Variants in DAPL1 observed in about 807,000 individuals in gnomAD.
The protein encoded by DAPL1 is death-associated protein-like 1.
DAPL1 carries 17 observed loss-of-function variants against 12.9 expected under a neutral mutation model. The observed-to-expected ratio is 1.32, with a 90% CI of 0.90 to 1.98. The LOEUF (loss-of-function observed/expected upper bound fraction) is 1.98. Ranked by LOEUF, DAPL1 falls within the 30% of genes most tolerant of loss-of-function variation. The pLI is 0.00. For missense variants in DAPL1, 157 were observed against 125.7 expected (o/e 1.25, Z -1.19); for synonymous variants, 51 against 42.0 (o/e 1.21, Z -0.82).
chr2:158,809,770 G>C lies in DAPL1; in HGVS notation c.207+2655G>C, dbSNP rs2059221115. On this transcript the variant is annotated intron_variant, in intron 3 of 3. Coordinates refer to ENST00000309950, the MANE Select transcript of DAPL1 (RefSeq NM_001017920.3). Reference sequence around the variant, plus strand: ...ATCCCAGGTAAAGCGTAAGGCACCAGCAACAAAAATAAGCTCCAAGATTAC... The same window carrying C: ...ATCCCAGGTAAAGCGTAAGGCACCACCAACAAAAATAAGCTCCAAGATTAC... Among the ~76,000 whole-genome samples the C allele has an allele frequency of 2.0e-5, 3 of 152,304 alleles. No homozygotes were observed. The South Asian group carries it at 6.2e-4, about 32-fold the overall frequency.
In DAPL1 at chr2:158,805,679, A is replaced by G. The variant is rs767255653; in HGVS notation, c.146+1310A>G. Among the ~76,000 whole-genome samples the G allele has an allele frequency of 1.8e-4, 27 of 148,500 alleles. 5 individuals are homozygous for G. The highest frequency in any genetic ancestry group is 2.9e-4 in the Non-Finnish European group (19 of 66,374). Reference sequence around the variant, plus strand: ...GGTCATTCATTTCTCTGCATCTCAGAAAAATGGGACTTACTATTAATTCTA... The same window carrying G: ...GGTCATTCATTTCTCTGCATCTCAGGAAAATGGGACTTACTATTAATTCTA... On this transcript the variant is annotated intron_variant, in intron 2 of 3. Transcript: ENST00000309950.
At position 158,804,350 on chromosome 2, in the gene DAPL1, A is replaced by C; in HGVS notation, c.127A>C (p.Thr43Pro). 1.9e-6 allele frequency: 3 copies of C among 1,610,842 alleles called. No individual in the cohort carries two copies. Among genetic ancestry groups the C allele is most frequent in the Non-Finnish European group, 2.5e-6 (3 of 1,178,250 alleles). ...CACCTTGGAAAGACATACCAAAAAA[A>C]CAGGATTCGAGAAAACAAGGTAGGG... ...IGTLERHTKK[T>P]GFEKTSAIAN... The change falls in exon 2 of 4, where the codon ACA (threonine) becomes CCA (proline). Residue 43 changes from threonine to proline, a missense_variant. Transcript: ENST00000309950.
rs75675037 is a variant in DAPL1, at chr2:158,810,743, G to A, written c.207+3628G>A. Among the ~76,000 whole-genome samples the A allele has an allele frequency of 3.9e-4, 60 of 152,084 alleles. No homozygotes were observed. In the East Asian group the frequency reaches 0.01, roughly 26 times the overall value. ...CAGCCAGCCTTCCCCACCTCTTGAA[G>A]CCCTCAATAAGAGAATTCATGTTGC... On this transcript the variant is annotated intron_variant, in intron 3 of 3. Transcript: ENST00000309950.
intron 3 of DAPL1, among the ~76,000 whole-genome samples, chr2:158,813,253 G>C (rs2059241519): frequency 6.6e-6 from 1 of 152,132 alleles, no homozygotes; most frequent in Non-Finnish European, 1.5e-5. Flanking sequence ...GAGAATTACT[G>C]TTTAATTGGT....
Position 158,813,844 on chromosome 2 carries a change from C to A in DAPL1, c.208-1861C>A, listed in dbSNP as rs542262330. Among the ~76,000 whole-genome samples the A allele has an allele frequency of 2.6e-5, 4 of 152,102 alleles. No individual in the cohort carries two copies. The East Asian group carries it at 5.8e-4, about 22-fold the overall frequency. ...TGCTGGGATTGCAGGTGTGGGCCAC[C>A]GAGCCCGGCCTCCTTTCCTTTTTCT... On this transcript the variant is annotated intron_variant, in intron 3 of 3. Transcript: ENST00000309950.
chr2:158,813,241 T>C (rs2059241359), intron 3 of DAPL1, among the ~76,000 whole-genome samples: 1 of 152,018 alleles, frequency 6.6e-6, no homozygotes, highest in African/African-American at 2.4e-5. Flanking sequence ...GAGGAGGGAA[T>C]GGAGAATTAC....
intron 1 of DAPL1, among the ~76,000 whole-genome samples, chr2:158,801,917 A>G (rs2059169880): frequency 6.6e-6 from 1 of 152,256 alleles, no homozygotes. Flanking sequence ...AAGATAGGAA[A>G]AAGACTAGCA....
chr2:158,812,623 G>C (rs973805159), intron 3 of DAPL1, among the ~76,000 whole-genome samples: 2 of 151,938 alleles, frequency 1.3e-5, no homozygotes, highest in African/African-American at 4.8e-5. Flanking sequence ...GAAAGACCTT[G>C]TGTCTACTAA....
chr2:158,807,006 G>T, intron 2 of DAPL1, 49 bp from the exon 3 acceptor site: 1 of 1,483,322 alleles, frequency 6.7e-7, no homozygotes, highest in Non-Finnish European at 9.4e-7. Context: ...GGCCTTTTCA[G>T]TGGGAAAATT....
At position 158,809,357 on chromosome 2, in the gene DAPL1, C is replaced by CAAAAAA. The variant is rs10526986; in HGVS notation, c.207+2248_207+2253dup. Among the ~76,000 whole-genome samples, 58 of 69,540 alleles carry CAAAAAA rather than the reference C, an allele frequency of 8.3e-4. 2 individuals carry two copies. Among genetic ancestry groups the CAAAAAA allele is most frequent in the Admixed American group, 3.1e-3 (15 of 4,880 alleles). The allele number at this position is 69,540 out of a possible 152,430, so 45.6% of individuals were successfully genotyped here. On this transcript the variant is annotated intron_variant, in intron 3 of 3. Coordinates refer to ENST00000309950, the MANE Select transcript of DAPL1 (RefSeq NM_001017920.3). The stretch of plus-strand genomic sequence containing the variant: ...TGGGTGACAGAGCGAGACTCCATCT[C>CAAAAAA]AAAAAAAAAAAGAAATATTTTTAAC...
intron 1 of DAPL1, among the ~76,000 whole-genome samples, chr2:158,800,501 G>T (rs1014829026): frequency 3.3e-5 from 5 of 152,270 alleles, no homozygotes; most frequent in African/African-American, 1.2e-4. Context: ...TTTTCTGACA[G>T]CAATAGTCAG....
In DAPL1 at chr2:158,795,427, G is replaced by T. The variant is rs765557268; in HGVS notation, c.55G>T (p.Ala19Ser). Residue 19 changes from alanine to serine, a missense_variant, in exon 1 of 4, where the codon GCA (alanine) becomes TCA (serine). Physicochemically the swap from Ala to Ser is moderately conservative, Grantham distance 99. Transcript: ENST00000309950. ...LSPRKGGHPP[A>S]VKAGGMRISK... is the part of the protein sequence containing the mutation. ...CCCTCGGAAAGGGGGACATCCTCCT[G>T]CAGGTAGGCTGCCACCTGCCCTCAG... 5 of 1,554,690 alleles carry T rather than the reference G, an allele frequency of 3.2e-6. No individual in the cohort carries two copies. The highest frequency in any genetic ancestry group is 1.4e-5 in the African/African-American group (1 of 73,382).
At chr2:158,804,407 T>C (rs1185658328) in intron 2 of DAPL1, 38 bp downstream of exon 2, 1 of 1,448,354 alleles carries the variant, frequency 6.9e-7, no homozygotes, top group South Asian at 1.2e-5. Context: ...CCTTGAGGAG[T>C]TTTGAGTGAC....
intron 1 of DAPL1, among the ~76,000 whole-genome samples, chr2:158,800,922 C>A (rs1014633797): frequency 1.3e-5 from 2 of 152,196 alleles, no homozygotes; most frequent in African/African-American, 2.4e-5. Context: ...TCCCTGCAAC[C>A]TCTGCCTCCC....
Position 158,815,990 on chromosome 2 carries a change from A to T in DAPL1, c.*169A>T. On this transcript the variant is annotated 3_prime_UTR_variant, in exon 4 of 4. Transcript: ENST00000309950. ...TAAAGCATCCAAACTTGTAAATCTG[A>T]CACATCCCTGTGCCTCTTTTTGGTC... 1 of 600,060 alleles carries T rather than the reference A, an allele frequency of 1.7e-6. No homozygotes were observed. Among genetic ancestry groups the T allele is most frequent in the Non-Finnish European group, 3.0e-6 (1 of 335,418 alleles). The allele number at this position is 600,060 out of a possible 1,614,324, so 37.2% of individuals were successfully genotyped here. A position where few individuals can be genotyped will look rare whatever the true frequency, so the allele number is the denominator to read the frequency against.
intron 3 of DAPL1, 84 bp from the exon 4 acceptor site, chr2:158,815,621 C>G: frequency 1.2e-6 from 1 of 844,440 alleles, no homozygotes. Flanking sequence ...TTCCCTTGAT[C>G]AACGATATCA....
At chr2:158,813,498 C>T (rs532747768) in intron 3 of DAPL1, among the ~76,000 whole-genome samples, 37 of 152,166 alleles carry the variant, frequency 2.4e-4, no homozygotes, top group African/African-American at 8.9e-4. Flanking sequence ...AAATTAGTGC[C>T]CAACTAAGCA....
chr2:158,795,654 C>T lies in DAPL1; in HGVS notation c.58+224C>T, dbSNP rs114139030. On this transcript the variant is annotated intron_variant, in intron 1 of 3. Transcript: ENST00000309950. ...CAGTGAGTTAAAACCTAATTACCTA[C>T]GGCAGTGTATGGATTTGGGGCTTGT... Among the ~76,000 whole-genome samples the T allele has an allele frequency of 4.7e-3, 710 of 152,322 alleles. 1 individual carries two copies. The highest frequency in any genetic ancestry group is 0.016 in the African/African-American group (663 of 41,568).
chr2:158,803,803 T>C (rs1006285119), intron 1 of DAPL1, among the ~76,000 whole-genome samples: 1 of 152,124 alleles, frequency 6.6e-6, no homozygotes, highest in African/African-American at 2.4e-5. Context: ...CTTTTATCAC[T>C]GTGTGCCCTG....
Sources: allele counts gnomAD v4.1 joint callset (sites outside exome capture counted in the v4.1 genomes callset), GRCh38; gene constraint gnomAD v4.1.1; transcripts MANE v1.5; gene names NCBI Gene and HGNC (gene_info 2026-07-23, HGNC 2026-07-21).